PHF19: variants seen among roughly 807,000 people sequenced by gnomAD.
The protein encoded by PHF19 is PHD finger protein 19.
PHF19 carries 21 observed loss-of-function variants against 79.8 expected under a neutral mutation model. The ratio of observed to expected loss-of-function variants is 0.26; its 90% CI spans 0.19 to 0.38. The LOEUF is 0.38. PHF19 is among the 10% of genes least tolerant of loss of function. PHF19 has a pLI of 1.00. For synonymous variants in PHF19, 273 were observed against 296.3 expected (o/e 0.92, Z 0.81); for missense variants, 445 against 744.2 (o/e 0.60, Z 4.68).
upstream of PHF19, among the ~76,000 whole-genome samples, chr9:120,880,594 G>A (rs1165624975): frequency 2.0e-5 from 3 of 152,208 alleles, no homozygotes; most frequent in Admixed American, 1.3e-4. Flanking sequence ...CCTCAACATA[G>A]TTACACCCTA....
chr9:120,865,149 A>T (rs2045661589), intron 9 of PHF19, among the ~76,000 whole-genome samples: 1 of 152,202 alleles, frequency 6.6e-6, no homozygotes, highest in South Asian at 2.1e-4. Context: ...CATAGAGAAG[A>T]TGCCTCACTC....
intron 1 of PHF19, 166 bp downstream of exon 1, chr9:120,876,925 G>A: frequency 2.1e-6 from 2 of 971,320 alleles, no homozygotes; most frequent in Middle Eastern, 5.3e-4. Flanking sequence ...CTGCCCCGCA[G>A]GTAACCTGCA....
In PHF19 at chr9:120,858,702, C is replaced by T. The variant is rs187459767; in HGVS notation, c.1401-416G>A. 9.2e-4 allele frequency among the ~76,000 whole-genome samples: 140 copies of T among 152,196 alleles called. 1 individual carries two copies. Among genetic ancestry groups the T allele is most frequent in the Middle Eastern group, 3.4e-3 (1 of 294 alleles). ...ATGCAGTGCAGAGGCCCTGCTTATCCCACCTTGCCTCTCACCAGACTGGTG... is the reference window on the plus strand; with the variant it reads ...ATGCAGTGCAGAGGCCCTGCTTATCTCACCTTGCCTCTCACCAGACTGGTG... On this transcript the variant is annotated intron_variant, in intron 14 of 14. Coordinates refer to ENST00000373896, the MANE Select transcript of PHF19 (RefSeq NM_015651.3).
intron 14 of PHF19, among the ~76,000 whole-genome samples, chr9:120,858,820 C>CAT (rs2045426246): frequency 1.4e-5 from 2 of 141,032 alleles, no homozygotes; most frequent in African/African-American, 5.5e-5. Context: ...ATCACACACA[C>CAT]ACACACACAC....
At chr9:120,873,948 G>A in intron 3 of PHF19, 31 bp downstream of exon 3, 1 of 1,146,622 alleles carries the variant, frequency 8.7e-7, no homozygotes. Flanking sequence ...TGGGGAGGTT[G>A]GGGGCTACCC....
In PHF19 at chr9:120,862,869, G is replaced by A. The variant is rs2045575752; in HGVS notation, c.969-120C>T. On this transcript the variant is annotated intron_variant, in intron 10 of 14. Transcript: ENST00000373896. The surrounding 1 kb of genome is among the most constrained non-coding windows in gnomAD (Gnocchi z 4.6). ...TTGGACCCAGAGCTAAAATCCGGAT[G>A]GTCTCTGCAGATGCTGACTTCCTCA... 1 of 933,376 alleles carries A rather than the reference G, an allele frequency of 1.1e-6. No individual in the cohort carries two copies. Among genetic ancestry groups the A allele is most frequent in the Non-Finnish European group, 1.7e-6 (1 of 593,876 alleles). The allele number at this position is 933,376 out of a possible 1,614,324, so 57.8% of individuals were successfully genotyped here.
At chr9:120,879,352 C>T (rs774814368), upstream of PHF19, among the ~76,000 whole-genome samples, 16 of 152,102 alleles carry the variant, frequency 1.1e-4, no homozygotes, top group Admixed American at 2.0e-4. Context: ...GTGGAGGAGG[C>T]GGTGTTGATG....
intron 1 of PHF19, among the ~76,000 whole-genome samples, chr9:120,888,256 T>G (rs10760123): frequency 0.68 from 103,897 of 151,824 alleles, 35,796 homozygotes; most frequent in Middle Eastern, 0.8. Context: ...GATTACAGGT[T>G]TGAGCCACCG....
At chr9:120,896,925 G>A (rs530945746), upstream of PHF19, among the ~76,000 whole-genome samples, 4 of 152,192 alleles carry the variant, frequency 2.6e-5, no homozygotes, top group South Asian at 2.1e-4. Flanking sequence ...AAGGCTGCAC[G>A]AGACCTGGCA....
At chr9:120,881,954 G>C (rs577245283), upstream of PHF19, among the ~76,000 whole-genome samples, 15 of 152,184 alleles carry the variant, frequency 9.9e-5, no homozygotes, top group Non-Finnish European at 2.1e-4. Flanking sequence ...TAGAGATTGG[G>C]TTTCACCATG....
chr9:120,857,635 C>A lies in PHF19; in HGVS notation c.*309G>T. On this transcript the variant is annotated 3_prime_UTR_variant, in exon 15 of 15. Transcript: ENST00000373896. ...ACACAACTGGGGACAAAGACCTGGG[C>A]CTCAGGAGGAAGGGTCCCAGCGCAG... 3.4e-6 allele frequency: 1 copy of A among 293,870 alleles called. No individual in the cohort carries two copies. The highest frequency in any genetic ancestry group is 5.9e-5 in the East Asian group (1 of 17,062). 18.2% of individuals were successfully genotyped at this position (293,870 alleles called of 1,614,324 possible). A position where few individuals can be genotyped will look rare whatever the true frequency, so the allele number is the denominator to read the frequency against.
At chr9:120,876,683 G>A (rs2046069115) in intron 1 of PHF19, among the ~76,000 whole-genome samples, 1 of 152,268 alleles carries the variant, frequency 6.6e-6, no homozygotes, top group Middle Eastern at 3.4e-3. Flanking sequence ...TCAGGAGGGG[G>A]GAAAAAGCTT....
intron 1 of PHF19, among the ~76,000 whole-genome samples, chr9:120,893,198 A>G (rs1401075688): frequency 6.6e-6 from 1 of 152,202 alleles, no homozygotes; most frequent in Non-Finnish European, 1.5e-5. Flanking sequence ...GACTTAGTAA[A>G]GGCAGTAATG....
chr9:120,870,089 C>T lies in PHF19; in HGVS notation c.365-144G>A. ...TGCCGGGAGCCTGGCTGCTGGTGCC[C>T]ACCAAGATGGCCAAGTCAGTGTCCA... On this transcript the variant is annotated intron_variant, in intron 4 of 14. Transcript: ENST00000373896. This position sits in a 1 kb window ranked among gnomAD's most constrained non-coding sequence, Gnocchi z 4.4. The T allele has an allele frequency of 8.1e-7, 1 of 1,236,922 alleles. No individual in the cohort carries two copies. The highest frequency in any genetic ancestry group is 2.5e-5 in the East Asian group (1 of 39,234). The allele number at this position is 1,236,922 out of a possible 1,614,324, so 76.6% of individuals were successfully genotyped here. A position where few individuals can be genotyped will look rare whatever the true frequency, so the allele number is the denominator to read the frequency against.
rs2045688613 is a variant in PHF19, at chr9:120,866,021, C to T, written c.779+7G>A. 1 of 1,609,708 alleles carries T rather than the reference C, an allele frequency of 6.2e-7. No homozygotes were observed. Among genetic ancestry groups the T allele is most frequent in the Admixed American group, 1.7e-5 (1 of 59,980 alleles). ...AGCGGTGGTTGGACTAAGCCCCACCCTCTCACCATCGCAGGGGCAGCCTCT... is the reference window on the plus strand; with the variant it reads ...AGCGGTGGTTGGACTAAGCCCCACCTTCTCACCATCGCAGGGGCAGCCTCT... On this transcript the variant is annotated splice_region_variant and intron_variant, in intron 8 of 14. Transcript: ENST00000373896. This position sits in a 1 kb window ranked among gnomAD's most constrained non-coding sequence, Gnocchi z 5.2.
At chr9:120,880,716 T>C (rs1186542136), upstream of PHF19, among the ~76,000 whole-genome samples, 1 of 152,174 alleles carries the variant, frequency 6.6e-6, no homozygotes, top group Non-Finnish European at 1.5e-5. Flanking sequence ...TTCCAGCGCT[T>C]TGGGAGGCTA....
rs146332310 is a variant in PHF19 at position 120,858,186 on chromosome 9, C to T, written c.1501G>A (p.Asp501Asn). The change falls in exon 15 of 15, where the codon GAC (aspartate) becomes AAC (asparagine). Residue 501 changes from aspartate to asparagine, a missense_variant. This residue lies in a region of PHF19 where 125 missense variants were observed against 180.5 expected (regional missense o/e 0.69). Coordinates refer to ENST00000373896, the MANE Select transcript of PHF19 (RefSeq NM_015651.3). Reference protein sequence around the residue: ...AAELDGRCPSDSSAEGASVPE... With the variant: ...AAELDGRCPSNSSAEGASVPE... ...ACTGAAGCCCCCTCTGCACTGCTGT[C>T]CGAGGGGCAGCGTCCATCCAGCTCA... The T allele has an allele frequency of 1.4e-4, 218 of 1,601,582 alleles. No homozygotes were observed. Among genetic ancestry groups the T allele is most frequent in the Non-Finnish European group, 1.7e-4 (204 of 1,170,078 alleles).
rs1163493934 is a variant in PHF19, at chr9:120,874,885, C to T, written c.-15-129G>A. 1 of 611,982 alleles carries T rather than the reference C, an allele frequency of 1.6e-6. No homozygotes were observed. 37.9% of individuals were successfully genotyped at this position (611,982 alleles called of 1,614,324 possible). A position where few individuals can be genotyped will look rare whatever the true frequency, so the allele number is the denominator to read the frequency against. Reference sequence around the variant, plus strand: ...AGACTTGGTTATTATCTCACTGATTCCTCGTGACCATCCTATGAGGGAGAC... The same window carrying T: ...AGACTTGGTTATTATCTCACTGATTTCTCGTGACCATCCTATGAGGGAGAC... On this transcript the variant is annotated intron_variant, in intron 1 of 14. Coordinates refer to ENST00000373896, the MANE Select transcript of PHF19 (RefSeq NM_015651.3). This position sits in a 1 kb window ranked among gnomAD's most constrained non-coding sequence, Gnocchi z 4.5.
In PHF19 at chr9:120,874,536, G is replaced by T. The variant is rs1346454344; in HGVS notation, c.186+20C>A. On this transcript the variant is annotated intron_variant, in intron 2 of 14. Transcript: ENST00000373896. The surrounding 1 kb of genome is among the most constrained non-coding windows in gnomAD (Gnocchi z 4.5). ...AGAGATTCTGAGTCTGAGAACAGGG[G>T]CCAGAGAGGATGGGTTTACCCTCTT... 22 of 1,512,272 alleles carry T rather than the reference G, an allele frequency of 1.5e-5. No individual in the cohort carries two copies. Among genetic ancestry groups the T allele is most frequent in the Non-Finnish European group, 1.8e-6 (2 of 1,089,088 alleles). 93.7% of individuals were successfully genotyped at this position (1,512,272 alleles called of 1,614,324 possible). A position where few individuals can be genotyped will look rare whatever the true frequency, so the allele number is the denominator to read the frequency against.
Sources: gnomAD v4.1 joint callset for allele counts (sites outside exome capture counted in the v4.1 genomes callset) on GRCh38, gnomAD v4.1.1 for gene constraint, gnomAD v4.1.1 regional missense constraint, Gnocchi (gnomAD v3.1) non-coding constraint, MANE v1.5 for transcripts, NCBI Gene and HGNC (gene_info 2026-07-23, HGNC 2026-07-21) for gene names.